The following GAS2 variants were observed in gnomAD, a reference collection of about 807,000 sequenced individuals.
The protein encoded by GAS2 is growth arrest-specific protein 2.
A neutral mutation model predicts 37.5 loss-of-function variants in GAS2; 20 were observed. The ratio of observed to expected loss-of-function variants is 0.53; its 90% confidence interval spans 0.37 to 0.77. The LOEUF is 0.77. Ranked by LOEUF, GAS2 falls within the 30% of genes least tolerant of loss-of-function variation. The pLI, the probability that GAS2 is intolerant of heterozygous loss-of-function variation, is 0.00. For missense variants in GAS2, 336 were observed against 373.4 expected, an observed-to-expected ratio of 0.90 and a Z score of 0.82; for synonymous variants, 144 against 132.2, an observed-to-expected ratio of 1.09 and a Z score of -0.61.
At chr11:22,659,803 A>G (rs777009734) in intron 1 of GAS2, among the ~76,000 whole-genome samples, 2 of 151,772 alleles carry the variant, frequency 1.3e-5, no homozygotes, top group African/African-American at 2.4e-5. Context: ...ACACCTCCTT[A>G]TAAAGAAAGA....
chr11:22,713,827 C>T (rs940543052), intron 3 of GAS2, among the ~76,000 whole-genome samples: 17 of 152,118 alleles, frequency 1.1e-4, no homozygotes, highest in African/African-American at 3.9e-4. Flanking sequence ...CACTACCAAG[C>T]CAGCATATAA....
chr11:22,723,663 A>T (rs980131104), intron 3 of GAS2, among the ~76,000 whole-genome samples: 1 of 151,930 alleles, frequency 6.6e-6, no homozygotes, highest in East Asian at 1.9e-4. Context: ...TAGTTTTTAC[A>T]TGCAAACTCG....
intron 4 of GAS2, among the ~76,000 whole-genome samples, chr11:22,731,833 C>T (rs1242554240): frequency 6.6e-6 from 1 of 151,648 alleles, no homozygotes; most frequent in Non-Finnish European, 1.5e-5. Flanking sequence ...ACTCATTCAG[C>T]CCTGGATTAT....
At chr11:22,647,666 A>G (rs933046991) in intron 1 of GAS2, among the ~76,000 whole-genome samples, 10 of 152,306 alleles carry the variant, frequency 6.6e-5, no homozygotes, top group African/African-American at 1.9e-4. Flanking sequence ...CATTTCTCTG[A>G]TGGCCAGTGA....
chr11:22,745,612 TA>T (rs1332333368), intron 5 of GAS2, among the ~76,000 whole-genome samples: 4 of 152,084 alleles, frequency 2.6e-5, no homozygotes, highest in Non-Finnish European at 5.9e-5. Context: ...CTAATTAAAC[TA>T]AAGAGCTTCT....
intron 2 of GAS2, among the ~76,000 whole-genome samples, 166 bp from the exon 3 acceptor site, chr11:22,685,502 G>A (rs378431): frequency 0.37 from 55,978 of 152,028 alleles, 11,311 homozygotes; most frequent in African/African-American, 0.55. Context: ...GCAACCAAAG[G>A]AAGATAGAAA....
At chr11:22,793,384 A>G (rs1385186693) in intron 7 of GAS2, among the ~76,000 whole-genome samples, 1 of 152,214 alleles carries the variant, frequency 6.6e-6, no homozygotes, top group Non-Finnish European at 1.5e-5. Flanking sequence ...TTCTATGTTC[A>G]TTAACTGTTC....
chr11:22,646,426 CA>C (rs1465531061), intron 1 of GAS2, among the ~76,000 whole-genome samples: 1 of 152,144 alleles, frequency 6.6e-6, no homozygotes, highest in Admixed American at 6.5e-5. Flanking sequence ...ATTTAGAGTA[CA>C]CCAAATCTAG....
intron 7 of GAS2, among the ~76,000 whole-genome samples, chr11:22,756,459 T>G (rs1854047321): frequency 6.6e-6 from 1 of 152,132 alleles, no homozygotes; most frequent in Admixed American, 6.6e-5. Context: ...TTGAAAAAGT[T>G]AAAAAATATC....
At chr11:22,727,563 T>C (rs985271707) in intron 4 of GAS2, among the ~76,000 whole-genome samples, 1 of 151,990 alleles carries the variant, frequency 6.6e-6, no homozygotes, top group Non-Finnish European at 1.5e-5. Context: ...TTTTGAAAAT[T>C]CTCTTAGCAA....
chr11:22,710,912 T>G (rs1851374416), intron 3 of GAS2, among the ~76,000 whole-genome samples: 1 of 152,198 alleles, frequency 6.6e-6, no homozygotes. Flanking sequence ...ATGTTAATTC[T>G]TAGTTTAAAA....
At chr11:22,700,685 A>G (rs937971353) in intron 3 of GAS2, among the ~76,000 whole-genome samples, 1 of 152,200 alleles carries the variant, frequency 6.6e-6, no homozygotes, top group Non-Finnish European at 1.5e-5. Flanking sequence ...GATAAAAATG[A>G]GCATATTTAT....
At chr11:22,790,331 G>T (rs544259335) in intron 7 of GAS2, among the ~76,000 whole-genome samples, 33 of 152,236 alleles carry the variant, frequency 2.2e-4, no homozygotes, top group African/African-American at 7.5e-4. Flanking sequence ...TGCACGTTGT[G>T]CACATGTACC....
At chr11:22,651,450 A>G (rs1272870743) in intron 1 of GAS2, among the ~76,000 whole-genome samples, 10 of 152,056 alleles carry the variant, frequency 6.6e-5, no homozygotes, top group Non-Finnish European at 1.2e-4. Flanking sequence ...TATTTCCTGA[A>G]TCTGAACGTT....
intron 7 of GAS2, among the ~76,000 whole-genome samples, chr11:22,795,837 A>C (rs1048859521): frequency 6.6e-6 from 1 of 152,138 alleles, no homozygotes; most frequent in Admixed American, 6.6e-5. Context: ...GCAAAAGTGA[A>C]AGCTCAAAGA....
chr11:22,759,914 G>C (rs1854279686), intron 7 of GAS2, among the ~76,000 whole-genome samples: 1 of 152,124 alleles, frequency 6.6e-6, no homozygotes, highest in African/African-American at 2.4e-5. Context: ...TGTAAAAAGG[G>C]ACTTCAGAAA....
intron 7 of GAS2, among the ~76,000 whole-genome samples, chr11:22,778,711 A>C (rs11026787): frequency 0.52 from 79,491 of 152,046 alleles, 21,930 homozygotes; most frequent in South Asian, 0.7. Context: ...TAGAAATCAT[A>C]GCAGATTTAA....
chr11:22,645,759 T>G (rs1347813372), intron 1 of GAS2, among the ~76,000 whole-genome samples: 1 of 152,002 alleles, frequency 6.6e-6, no homozygotes, highest in Non-Finnish European at 1.5e-5. Flanking sequence ...CATTATACAT[T>G]TTTTCTAGTT....
intron 7 of GAS2, among the ~76,000 whole-genome samples, chr11:22,760,886 G>A (rs1461045954): frequency 1.3e-5 from 2 of 152,170 alleles, no homozygotes; most frequent in South Asian, 4.1e-4. Flanking sequence ...CCCTCTGAAA[G>A]TTGTCAGGTT....
Sources: allele counts gnomAD v4.1 joint callset (sites outside exome capture counted in the v4.1 genomes callset), GRCh38; gene constraint gnomAD v4.1.1; transcripts MANE v1.5; gene names NCBI Gene and HGNC (gene_info 2026-07-23, HGNC 2026-07-21).